Variants in AKT3 observed in about 807,000 individuals in gnomAD.
AKT3 encodes the protein RAC-gamma serine/threonine-protein kinase.
Under a neutral mutation model 65.3 loss-of-function variants are expected in AKT3, and 15 were observed. The ratio of observed to expected loss-of-function variants is 0.23; its 90% CI spans 0.15 to 0.35. The LOEUF (loss-of-function observed/expected upper bound fraction) is 0.35, where lower values mean the gene tolerates loss of function less well. Among genes scored for constraint, AKT3 ranks in the 10% least tolerant of loss-of-function variants. The pLI is 1.00. For synonymous variants in AKT3, 206 were observed against 183.8 expected (o/e 1.12, Z -0.98); for missense variants, 243 against 576.5 (o/e 0.42, Z 5.92).
At chr1:243,847,043 C>G (rs540236688) in intron 1 of AKT3, among the ~76,000 whole-genome samples, 4 of 152,062 alleles carry the variant, frequency 2.6e-5, no homozygotes, top group Non-Finnish European at 4.4e-5. Context: ...TATTTGTTGT[C>G]GGAAGATTCA....
chr1:243,533,895 CAGG>C (rs1163282402), intron 12 of AKT3, among the ~76,000 whole-genome samples: 1 of 152,120 alleles, frequency 6.6e-6, no homozygotes, highest in Non-Finnish European at 1.5e-5. Context: ...GAGGCTGAGG[CAGG>C]AGAATAGTGT....
intron 2 of AKT3, among the ~76,000 whole-genome samples, chr1:243,810,874 T>C (rs1693091647): frequency 6.6e-6 from 1 of 152,170 alleles, no homozygotes; most frequent in Admixed American, 6.5e-5. Flanking sequence ...TGGTTCAACA[T>C]ATGCAAATCA....
intron 2 of AKT3, among the ~76,000 whole-genome samples, chr1:243,751,512 AT>A (rs767446916): frequency 5.3e-5 from 8 of 151,944 alleles, no homozygotes; most frequent in Admixed American, 2.0e-4. Context: ...TAAATTCTTC[AT>A]TTTTGTTTTG....
At chr1:243,734,913 T>C (rs959347798) in intron 2 of AKT3, 1 of 152,216 alleles carries the variant, frequency 6.6e-6, no homozygotes, top group Non-Finnish European at 1.5e-5. Flanking sequence ...TTTACCTTTT[T>C]TGTTAAAAAC....
chr1:243,850,966 ACGCGCGCGCCGCCAGGCCCCGGG>A, upstream of AKT3: 1 of 152,110 alleles, frequency 6.6e-6, no homozygotes, highest in East Asian at 1.9e-4. Flanking sequence ...CTGGCCGCGG[ACGCGCGCGCCGCCAGGCCCCGGG>A]CGTCTCCTCC....
chr1:243,762,585 C>T (rs1449788280), intron 2 of AKT3, among the ~76,000 whole-genome samples: 1 of 152,096 alleles, frequency 6.6e-6, no homozygotes, highest in East Asian at 1.9e-4. Flanking sequence ...AATCATAAGT[C>T]CCACTTCAAG....
intron 1 of AKT3, among the ~76,000 whole-genome samples, chr1:243,847,561 T>G (rs1238058555): frequency 2.0e-5 from 3 of 152,204 alleles, no homozygotes; most frequent in Admixed American, 6.5e-5. Flanking sequence ...TGAATTTTTA[T>G]GAGAAAATTT....
At chr1:243,587,799 T>G (rs999694277) in intron 8 of AKT3, among the ~76,000 whole-genome samples, 5 of 152,156 alleles carry the variant, frequency 3.3e-5, no homozygotes, top group Admixed American at 2.6e-4. Context: ...TATTTTAAAT[T>G]TCAAATTTTT....
intron 6 of AKT3, among the ~76,000 whole-genome samples, chr1:243,634,918 C>T (rs1325344212): frequency 2.0e-5 from 3 of 151,778 alleles, no homozygotes; most frequent in African/African-American, 7.2e-5. Context: ...AGTAAGGCAA[C>T]GGAAGACTTC....
intron 2 of AKT3, among the ~76,000 whole-genome samples, chr1:243,810,773 C>T (rs1046734869): frequency 2.6e-5 from 4 of 152,180 alleles, no homozygotes; most frequent in African/African-American, 9.7e-5. Flanking sequence ...ATGCAAAAAT[C>T]CTCAATAAAA....
chr1:243,744,468 G>A (rs545300686), intron 2 of AKT3, among the ~76,000 whole-genome samples: 297 of 151,788 alleles, frequency 2.0e-3, no homozygotes, highest in Non-Finnish European at 3.3e-3. Flanking sequence ...GGCCGGGCGC[G>A]GTGGCTCACG....
At chr1:243,664,547 G>A (rs1682637229) in intron 4 of AKT3, among the ~76,000 whole-genome samples, 1 of 151,920 alleles carries the variant, frequency 6.6e-6, no homozygotes, top group Admixed American at 6.6e-5. Context: ...TAAATGTTCT[G>A]TTTCTCTGAA....
intron 5 of AKT3, among the ~76,000 whole-genome samples, chr1:243,645,167 A>C (rs1680710415): frequency 6.6e-6 from 1 of 152,152 alleles, no homozygotes; most frequent in South Asian, 2.1e-4. Context: ...TACCTTGAAA[A>C]TTTGTGTTTT....
chr1:243,656,385 G>A (rs1245942836), intron 4 of AKT3, among the ~76,000 whole-genome samples: 1 of 152,084 alleles, frequency 6.6e-6, no homozygotes, highest in Non-Finnish European at 1.5e-5. Context: ...AAAAAGGAAT[G>A]GCTTAGGAAG....
intron 4 of AKT3, among the ~76,000 whole-genome samples, chr1:243,658,681 T>C (rs1233209559): frequency 6.6e-6 from 1 of 152,014 alleles, no homozygotes; most frequent in Non-Finnish European, 1.5e-5. Flanking sequence ...ATGCTCATTG[T>C]TGCACTATTC....
chr1:243,529,087 C>G (rs979755164), intron 12 of AKT3, among the ~76,000 whole-genome samples: 1 of 150,036 alleles, frequency 6.7e-6, no homozygotes, highest in African/African-American at 2.4e-5. Flanking sequence ...GCCTGTTGGC[C>G]ACATGTATGT....
chr1:243,686,647 A>ATATATATATATATATATATC (rs1684328750), intron 3 of AKT3, among the ~76,000 whole-genome samples: 1 of 23,208 alleles, frequency 4.3e-5, no homozygotes, highest in African/African-American at 1.2e-4. Context: ...ATATATATAT[A>ATATATATATATATATATATC]TATATTTTTT....
chr1:243,846,981 ATTAACTC>A (rs1192273775), intron 1 of AKT3, among the ~76,000 whole-genome samples: 1 of 152,198 alleles, frequency 6.6e-6, no homozygotes, highest in African/African-American at 2.4e-5. Context: ...ATTGGTTAGC[ATTAACTC>A]TAAACTGAAT....
Position 243,499,896 on chromosome 1 carries a change from C to A in AKT3, c.*5353G>T. 1 of 1,035,730 alleles carries A rather than the reference C, an allele frequency of 9.7e-7. No individual in the cohort carries two copies. The highest frequency in any genetic ancestry group is 2.5e-5 in the East Asian group (1 of 39,766). 64.2% of individuals were successfully genotyped at this position (1,035,730 alleles called of 1,614,324 possible). A position where few individuals can be genotyped will look rare whatever the true frequency, so the allele number is the denominator to read the frequency against. On this transcript the variant is annotated 3_prime_UTR_variant, in exon 14 of 14. Transcript: ENST00000673466. The stretch of plus-strand genomic sequence containing the variant: ...CGACCTTCCCAGGGTGACACCGCCT[C>A]AGCCTGCAGTGGGGCTGGTCCTCAT...
Sources: gnomAD v4.1 joint callset for allele counts (sites outside exome capture counted in the v4.1 genomes callset) on GRCh38, gnomAD v4.1.1 for gene constraint, MANE v1.5 for transcripts, NCBI Gene and HGNC (gene_info 2026-07-23, HGNC 2026-07-21) for gene names.